EPN2: variants seen among roughly 807,000 people sequenced by gnomAD.
The protein encoded by EPN2 is epsin-2.
EPN2 carries 34 observed loss-of-function variants against 61.7 expected under a neutral mutation model. The ratio of observed to expected loss-of-function variants is 0.55; its 90% CI spans 0.42 to 0.73. EPN2 has a LOEUF of 0.73. Ranked by LOEUF, EPN2 falls within the 30% of genes least tolerant of loss-of-function variation. EPN2 has a pLI of 0.00. For synonymous variants in EPN2, 349 were observed against 353.6 expected, an observed-to-expected ratio of 0.99 and a Z score of 0.15; for missense variants, 714 against 839.2, an observed-to-expected ratio of 0.85 and a Z score of 1.84.
At chr17:19,300,676 C>A (rs1423855881) in intron 4 of EPN2, among the ~76,000 whole-genome samples, 1 of 152,138 alleles carries the variant, frequency 6.6e-6, no homozygotes. Flanking sequence ...GATCCATCCG[C>A]CTTGGCCTCC....
intron 1 of EPN2, among the ~76,000 whole-genome samples, chr17:19,240,153 G>A (rs564299549): frequency 6.6e-6 from 1 of 152,270 alleles, no homozygotes; most frequent in East Asian, 1.9e-4. Context: ...TCTCTCTGGT[G>A]TATAGGGGTG....
intron 7 of EPN2, among the ~76,000 whole-genome samples, chr17:19,314,668 C>A (rs1016965939): frequency 2.6e-5 from 4 of 152,220 alleles, no homozygotes; most frequent in African/African-American, 9.6e-5. Context: ...TGGCAGGAGC[C>A]CTCTGGGCCT....
At chr17:19,308,070 T>C (rs942137955) in intron 4 of EPN2, 1 of 968,084 alleles carries the variant, frequency 1.0e-6, no homozygotes, top group African/African-American at 1.8e-5. Flanking sequence ...TAATACACAA[T>C]TAGAACATTT....
At chr17:19,258,205 G>A (rs979204210) in intron 1 of EPN2, among the ~76,000 whole-genome samples, 2 of 152,178 alleles carry the variant, frequency 1.3e-5, no homozygotes, top group African/African-American at 2.4e-5. Context: ...GGTCTGGTGA[G>A]GAAGATGATT....
At chr17:19,308,938 A>G (rs1905986502) in intron 4 of EPN2, among the ~76,000 whole-genome samples, 1 of 152,172 alleles carries the variant, frequency 6.6e-6, no homozygotes, top group African/African-American at 2.4e-5. Flanking sequence ...CATTCATTCA[A>G]TAAAAACTGT....
chr17:19,237,930 C>G (rs894887703), intron 1 of EPN2, among the ~76,000 whole-genome samples: 16 of 152,364 alleles, frequency 1.1e-4, no homozygotes, highest in Admixed American at 5.2e-4. Flanking sequence ...CTCCTCTCCC[C>G]GAGCCCGGCG....
intron 5 of EPN2, among the ~76,000 whole-genome samples, chr17:19,311,322 T>C (rs1056810753): frequency 1.3e-5 from 2 of 152,074 alleles, no homozygotes; most frequent in African/African-American, 4.8e-5. Context: ...ACGGACGGTT[T>C]GAGCCCATTT....
chr17:19,309,654 CTTGG>C (rs1309211183), intron 4 of EPN2, among the ~76,000 whole-genome samples: 3 of 152,234 alleles, frequency 2.0e-5, no homozygotes, highest in African/African-American at 7.2e-5. Context: ...GGCATCTTCT[CTTGG>C]TTGGTACCAG....
At chr17:19,264,223 G>A (rs548861583) in intron 1 of EPN2, among the ~76,000 whole-genome samples, 7 of 152,308 alleles carry the variant, frequency 4.6e-5, no homozygotes, top group African/African-American at 1.7e-4. Flanking sequence ...ACATTTGGTA[G>A]CATACTTCTA....
chr17:19,325,009 A>AT (rs1414867335), intron 7 of EPN2, among the ~76,000 whole-genome samples: 1 of 152,198 alleles, frequency 6.6e-6, no homozygotes, highest in Non-Finnish European at 1.5e-5. Context: ...AAAAACTTAG[A>AT]TAAAATGGAT....
intron 1 of EPN2, among the ~76,000 whole-genome samples, chr17:19,242,111 A>G (rs2044890545): frequency 6.8e-6 from 1 of 147,618 alleles, no homozygotes; most frequent in African/African-American, 2.6e-5. Flanking sequence ...GCTGAGAGAC[A>G]CTAGATTTGG....
At chr17:19,250,537 T>A (rs1364339629) in intron 1 of EPN2, among the ~76,000 whole-genome samples, 1 of 152,150 alleles carries the variant, frequency 6.6e-6, no homozygotes, top group African/African-American at 2.4e-5. Flanking sequence ...AAACAGGAGA[T>A]CTTACATAGC....
intron 1 of EPN2, among the ~76,000 whole-genome samples, chr17:19,245,713 A>C (rs1316093703): frequency 6.8e-6 from 1 of 148,002 alleles, no homozygotes; most frequent in Non-Finnish European, 1.5e-5. Flanking sequence ...CCTAAGCTGG[A>C]GTGCAATGGC....
intron 8 of EPN2, 174 bp downstream of exon 8, chr17:19,329,061 T>C: frequency 1.7e-6 from 1 of 579,612 alleles, no homozygotes; most frequent in Non-Finnish European, 3.0e-6. Context: ...TGAGAGTGAG[T>C]GAGTGCGAGT....
chr17:19,312,596 C>T (rs970147772), intron 6 of EPN2, among the ~76,000 whole-genome samples: 10 of 152,174 alleles, frequency 6.6e-5, no homozygotes, highest in Non-Finnish European at 1.5e-4. Context: ...AGACCCAGAC[C>T]CCTTCTACAC....
intron 1 of EPN2, among the ~76,000 whole-genome samples, chr17:19,258,295 C>T (rs566172437): frequency 7.2e-5 from 11 of 152,288 alleles, no homozygotes; most frequent in African/African-American, 2.4e-4. Context: ...GAAACACTTA[C>T]TGCTCTCTGG....
chr17:19,266,745 A>G (rs967676072), intron 1 of EPN2, among the ~76,000 whole-genome samples: 1 of 151,950 alleles, frequency 6.6e-6, no homozygotes, highest in Non-Finnish European at 1.5e-5. Flanking sequence ...TCTTCATGGC[A>G]TGATAGCCAA....
intron 1 of EPN2, among the ~76,000 whole-genome samples, chr17:19,267,466 T>A (rs1218241491): frequency 6.6e-6 from 1 of 151,814 alleles, no homozygotes; most frequent in African/African-American, 2.4e-5. Flanking sequence ...ACTTCGTATA[T>A]GTTACTTAAA....
At chr17:19,309,723 A>C (rs1906023221) in intron 4 of EPN2, among the ~76,000 whole-genome samples, 162 bp from the exon 5 acceptor site, 1 of 152,130 alleles carries the variant, frequency 6.6e-6, no homozygotes. Context: ...TTTAACATTC[A>C]AATATTTGTA....
Sources: gnomAD v4.1 joint callset for allele counts (sites outside exome capture counted in the v4.1 genomes callset) on GRCh38, gnomAD v4.1.1 for gene constraint, MANE v1.5 for transcripts, NCBI Gene and HGNC (gene_info 2026-07-23, HGNC 2026-07-21) for gene names.